Variants in PPP6R2 observed in about 807,000 individuals in gnomAD.
PPP6R2 encodes serine/threonine-protein phosphatase 6 regulatory subunit 2.
In PPP6R2, 62 loss-of-function variants were observed where a neutral mutation model predicts 100.2. The observed-to-expected ratio is 0.62, with a 90% confidence interval of 0.50 to 0.76. PPP6R2 has a LOEUF of 0.76. Among genes scored for constraint, PPP6R2 ranks in the 30% least tolerant of loss-of-function variants. The pLI is 0.00. For missense variants in PPP6R2, 1,142 were observed against 1,276.3 expected, an observed-to-expected ratio of 0.89 and a Z score of 1.60; for synonymous variants, 525 against 514.7, an observed-to-expected ratio of 1.02 and a Z score of -0.27.
chr22:50,356,655 G>A (rs940264646), intron 1 of PPP6R2, among the ~76,000 whole-genome samples: 10 of 152,068 alleles, frequency 6.6e-5, no homozygotes, highest in Admixed American at 2.6e-4. Context: ...GTTTTCGGCC[G>A]GTTGTGGTGG....
rs970139450 is a variant in PPP6R2, at chr22:50,411,037, G to A, written c.415-3515G>A. Among the ~76,000 whole-genome samples, 6 of 152,070 alleles carry A rather than the reference G, an allele frequency of 3.9e-5. No homozygotes were observed. In the East Asian group the frequency reaches 5.8e-4, roughly 15 times the overall value. On this transcript the variant is annotated intron_variant, in intron 4 of 23. Transcript: ENST00000612753. ...AACTCCTGACCTCAGGTGATCCACC[G>A]GCCTTGGCCTCCCAAAATGCTGGGA...
intron 8 of PPP6R2, among the ~76,000 whole-genome samples, chr22:50,420,464 G>A (rs1302609303): frequency 2.0e-5 from 3 of 152,172 alleles, no homozygotes; most frequent in Admixed American, 6.5e-5. Context: ...GAGTGAGTTC[G>A]GGTGAAAGTT....
chr22:50,422,858 A>C (rs372448252), intron 9 of PPP6R2, among the ~76,000 whole-genome samples: 3 of 152,180 alleles, frequency 2.0e-5, no homozygotes, highest in Non-Finnish European at 4.4e-5. Flanking sequence ...CCTATAGCTC[A>C]GTTCCTCTCA....
At chr22:50,335,807 C>G in the PPP6R2 span, among the ~76,000 whole-genome samples, 2 of 143,396 alleles carry the variant, frequency 1.4e-5, no homozygotes, top group Non-Finnish European at 3.0e-5. Context: ...TCCCCAGTAT[C>G]TGGGACTACA....
chr22:50,359,933 TAAG>T (rs1372738325), intron 1 of PPP6R2, among the ~76,000 whole-genome samples: 1 of 152,194 alleles, frequency 6.6e-6, no homozygotes, highest in Non-Finnish European at 1.5e-5. Context: ...GTGGGTATGA[TAAG>T]GACAAATTCC....
At chr22:50,340,411 T>TGTGTGTGGTGTGTGTGG (rs1569219504), upstream of PPP6R2, among the ~76,000 whole-genome samples, 2 of 94,350 alleles carry the variant, frequency 2.1e-5, no homozygotes, top group African/African-American at 8.3e-5. Context: ...GGTGTGTGTG[T>TGTGTGTGGTGTGTGTGG]AGGGTGTGTG....
intron 2 of PPP6R2, among the ~76,000 whole-genome samples, chr22:50,392,888 A>G (rs2055932016): frequency 6.6e-6 from 1 of 152,226 alleles, no homozygotes; most frequent in Admixed American, 6.5e-5. Flanking sequence ...ATCTGTGGTC[A>G]GCCTTTTGTT....
At position 50,440,747 on chromosome 22, in the gene PPP6R2, G is replaced by T; in HGVS notation, c.2375-75G>T. On this transcript the variant is annotated intron_variant, in intron 21 of 23. Coordinates refer to ENST00000612753, the MANE Select transcript of PPP6R2 (RefSeq NM_001242898.2). ...CATGTGAGAGGGCCACATGTATGGG[G>T]ACCCTATGGCTGGAGTGGCCGCACC... The T allele has an allele frequency of 1.3e-6, 2 of 1,518,990 alleles. 1 individual carries two copies. The highest frequency in any genetic ancestry group is 2.3e-5 in the South Asian group (2 of 87,438). 94.1% of individuals were successfully genotyped at this position (1,518,990 alleles called of 1,614,324 possible).
At chr22:50,405,346 A>G (rs1424380036) in intron 3 of PPP6R2, among the ~76,000 whole-genome samples, 8 of 68,594 alleles carry the variant, frequency 1.2e-4, no homozygotes, top group Admixed American at 1.8e-4. Context: ...GGCGAGTGTG[A>G]AGGCCTGGAG....
chr22:50,350,831 C>G (rs1319996597), intron 1 of PPP6R2, among the ~76,000 whole-genome samples: 2 of 134,590 alleles, frequency 1.5e-5, no homozygotes, highest in Non-Finnish European at 3.1e-5. Context: ...GGCGACAGAG[C>G]AAGACTCCGT....
chr22:50,422,686 CA>C (rs979004778), intron 9 of PPP6R2, among the ~76,000 whole-genome samples: 8 of 152,152 alleles, frequency 5.3e-5, no homozygotes, highest in African/African-American at 1.7e-4. Context: ...GAGAGGGGAC[CA>C]GGGGGTGGCA....
chr22:50,429,583 C>T (rs1387661846), intron 10 of PPP6R2, among the ~76,000 whole-genome samples: 4 of 152,136 alleles, frequency 2.6e-5, no homozygotes, highest in African/African-American at 7.2e-5. Flanking sequence ...TGTCCTCATT[C>T]AGCTTTGGTA....
intron 1 of PPP6R2, among the ~76,000 whole-genome samples, chr22:50,353,549 G>T (rs1003733424): frequency 6.6e-6 from 1 of 152,148 alleles, no homozygotes; most frequent in Non-Finnish European, 1.5e-5. Context: ...TTGAAATATT[G>T]TGAGAATTAC....
At chr22:50,359,783 G>A (rs73188929) in intron 1 of PPP6R2, among the ~76,000 whole-genome samples, 29,147 of 151,996 alleles carry the variant, frequency 0.19, 3,065 homozygotes, top group South Asian at 0.35. Flanking sequence ...ATATTTGTGT[G>A]TGACTTTCTT....
chr22:50,334,670 A>G, the PPP6R2 span, among the ~76,000 whole-genome samples: 1,213 of 152,192 alleles, frequency 8.0e-3, 23 homozygotes, highest in African/African-American at 0.028. Flanking sequence ...ACCACCAACA[A>G]AAACACCTGC....
chr22:50,418,582 T>G (rs1205892912), intron 6 of PPP6R2, among the ~76,000 whole-genome samples: 2 of 152,046 alleles, frequency 1.3e-5, no homozygotes, highest in Non-Finnish European at 2.9e-5. Flanking sequence ...GAGATGGGGT[T>G]TCACCGTGTT....
upstream of PPP6R2, among the ~76,000 whole-genome samples, chr22:50,338,809 G>GGT (rs376096985): frequency 4.2e-5 from 5 of 119,912 alleles, no homozygotes; most frequent in East Asian, 2.6e-4. Flanking sequence ...TACGGTGTCT[G>GGT]GTGTGTGTGT....
intron 1 of PPP6R2, among the ~76,000 whole-genome samples, chr22:50,350,979 A>T (rs1050696228): frequency 3.4e-5 from 5 of 147,382 alleles, no homozygotes; most frequent in African/African-American, 1.3e-4. Flanking sequence ...ATGAGCAGTA[A>T]TATTTTGAAA....
Position 50,346,145 on chromosome 22 carries a change from CCCT to C in PPP6R2, c.-148+2598_-148+2600del, listed in dbSNP as rs2043591316. Reference sequence around the variant, plus strand: ...AGTGCCCCCCAAGTCAGTCAGTTCCCCCTCCAGTCAGTTCCCCCAGTCAGTCAG... The same window carrying C: ...AGTGCCCCCCAAGTCAGTCAGTTCCCCCAGTCAGTTCCCCCAGTCAGTCAG... On this transcript the variant is annotated intron_variant, in intron 1 of 23. Coordinates refer to ENST00000612753, the MANE Select transcript of PPP6R2 (RefSeq NM_001242898.2). Among the ~76,000 whole-genome samples the C allele has an allele frequency of 1.2e-3, 29 of 25,150 alleles. 2 individuals are homozygous for C. The highest frequency in any genetic ancestry group is 7.9e-3 in the African/African-American group (29 of 3,686). The allele number at this position is 25,150 out of a possible 152,430, so 16.5% of individuals were successfully genotyped here.
Sources: allele counts gnomAD v4.1 joint callset (sites outside exome capture counted in the v4.1 genomes callset), GRCh38; gene constraint gnomAD v4.1.1; transcripts MANE v1.5; gene names NCBI Gene and HGNC (gene_info 2026-07-23, HGNC 2026-07-21).